The following ZNF804B variants were observed in gnomAD, a reference collection of about 807,000 sequenced individuals.
ZNF804B encodes zinc finger protein 804B, also known as zinc finger 804B.
Under a neutral mutation model 101.4 loss-of-function variants are expected in ZNF804B, and 80 were observed. The ratio of observed to expected loss-of-function variants is 0.79; its 90% CI spans 0.66 to 0.95. ZNF804B has a LOEUF of 0.95. ZNF804B is among the 40% of genes least tolerant of loss of function. The probability of loss-of-function intolerance (pLI) is 0.00; values close to 1 mark genes in which losing one functional copy is unlikely to be tolerated. For missense variants in ZNF804B, 1,673 were observed against 1,561.9 expected (o/e 1.07, Z -1.20); for synonymous variants, 622 against 558.8 (o/e 1.11, Z -1.59).
intron 1 of ZNF804B, among the ~76,000 whole-genome samples, chr7:89,099,749 G>A (rs749985910): frequency 2.6e-5 from 4 of 152,128 alleles, no homozygotes; most frequent in Non-Finnish European, 4.4e-5. Context: ...TAAGAATAAG[G>A]CAAACTTTAG....
At chr7:89,007,513 TATATA>T (rs1425369190) in intron 1 of ZNF804B, among the ~76,000 whole-genome samples, 15 of 6,744 alleles carry the variant, frequency 2.2e-3, no homozygotes, top group East Asian at 3.8e-3. Flanking sequence ...CATATAATTA[TATATA>T]ATATAATATA....
At chr7:89,302,887 A>ATTG (rs1242711829) in intron 2 of ZNF804B, among the ~76,000 whole-genome samples, 1 of 151,948 alleles carries the variant, frequency 6.6e-6, no homozygotes, top group Non-Finnish European at 1.5e-5. Flanking sequence ...AATTGGTTTT[A>ATTG]CCATTGCTCA....
intron 1 of ZNF804B, among the ~76,000 whole-genome samples, chr7:89,211,800 T>C (rs530284837): frequency 6.6e-6 from 1 of 152,322 alleles, no homozygotes; most frequent in Non-Finnish European, 1.5e-5. Flanking sequence ...TTTGTTCTTT[T>C]AGCTTAGGAT....
At position 89,082,563 on chromosome 7, in the gene ZNF804B, T is replaced by C. The variant is rs77117499; in HGVS notation, c.109-135592T>C. Among the ~76,000 whole-genome samples the C allele has an allele frequency of 4.6e-3, 706 of 151,844 alleles. 5 individuals are homozygous for C. Among genetic ancestry groups the C allele is most frequent in the African/African-American group, 0.016 (670 of 41,512 alleles). On this transcript the variant is annotated intron_variant, in intron 1 of 3. Coordinates refer to ENST00000333190, the MANE Select transcript of ZNF804B (RefSeq NM_181646.5). ...CACAGTTTGTTGCATCACCCACATATAGTAAAAATAATAAAACTAGTAACT... is the reference window on the plus strand; with the variant it reads ...CACAGTTTGTTGCATCACCCACATACAGTAAAAATAATAAAACTAGTAACT...
At chr7:88,961,632 G>A (rs1793386358) in intron 1 of ZNF804B, among the ~76,000 whole-genome samples, 1 of 151,366 alleles carries the variant, frequency 6.6e-6, no homozygotes, top group South Asian at 2.1e-4. Context: ...ATGAGATTGA[G>A]TTTTTCCATA....
chr7:88,914,740 G>T (rs1169948635), intron 1 of ZNF804B, among the ~76,000 whole-genome samples: 1 of 152,150 alleles, frequency 6.6e-6, no homozygotes, highest in Non-Finnish European at 1.5e-5. Context: ...AAATGTAGGA[G>T]CTAATTACTT....
At chr7:88,800,726 G>A (rs1007753545) in intron 1 of ZNF804B, among the ~76,000 whole-genome samples, 9 of 131,168 alleles carry the variant, frequency 6.9e-5, no homozygotes, top group Admixed American at 6.6e-4. Context: ...GTGTGTGTGT[G>A]TGTGTGTGCT....
intron 1 of ZNF804B, among the ~76,000 whole-genome samples, chr7:88,902,177 A>C (rs1300545118): frequency 1.3e-5 from 2 of 152,018 alleles, no homozygotes; most frequent in African/African-American, 4.8e-5. Context: ...CATACATTGT[A>C]TATAAATTTT....
intron 1 of ZNF804B, among the ~76,000 whole-genome samples, chr7:89,204,269 A>T (rs1051676463): frequency 6.6e-6 from 1 of 152,238 alleles, no homozygotes; most frequent in African/African-American, 2.4e-5. Flanking sequence ...TGTCTAATGC[A>T]CAATAGATAT....
intron 1 of ZNF804B, among the ~76,000 whole-genome samples, chr7:89,042,585 CT>C (rs1490791168): frequency 3.3e-5 from 5 of 151,952 alleles, no homozygotes; most frequent in Non-Finnish European, 7.4e-5. Context: ...AAGTTATAAC[CT>C]TTCTGAATAG....
At chr7:88,970,442 A>G (rs1397570788) in intron 1 of ZNF804B, among the ~76,000 whole-genome samples, 1 of 151,214 alleles carries the variant, frequency 6.6e-6, no homozygotes, top group Non-Finnish European at 1.5e-5. Context: ...TTTATATTCC[A>G]AACATTTTAT....
chr7:89,303,884 G>A (rs1329999429), intron 2 of ZNF804B, among the ~76,000 whole-genome samples: 1 of 151,730 alleles, frequency 6.6e-6, no homozygotes, highest in African/African-American at 2.4e-5. Context: ...TTTTAACAGG[G>A]ATCTTTGTTA....
intron 1 of ZNF804B, among the ~76,000 whole-genome samples, chr7:89,156,095 T>TTCTTTCTTTCTC (rs1562899843): frequency 6.8e-6 from 1 of 147,932 alleles, no homozygotes; most frequent in Admixed American, 6.8e-5. Flanking sequence ...TTTCCTTTCT[T>TTCTTTCTTTCTC]TCTTTCTCTC....
intron 1 of ZNF804B, among the ~76,000 whole-genome samples, chr7:88,817,240 G>A (rs1292760793): frequency 1.3e-5 from 2 of 152,150 alleles, no homozygotes; most frequent in South Asian, 2.1e-4. Context: ...GTGGGATGGG[G>A]GGATGGGGGA....
intron 1 of ZNF804B, chr7:88,795,124 A>T (rs943516755): frequency 4.2e-6 from 2 of 476,242 alleles, no homozygotes; most frequent in Middle Eastern, 5.7e-4. Flanking sequence ...TGCCAGTTTT[A>T]TCAGGAAACA....
At chr7:89,293,166 C>G (rs186064395) in intron 2 of ZNF804B, among the ~76,000 whole-genome samples, 1 of 151,786 alleles carries the variant, frequency 6.6e-6, no homozygotes. Context: ...TCTATTCATT[C>G]TACAGTTACC....
chr7:88,774,469 A>T (rs1386511290), intron 1 of ZNF804B, among the ~76,000 whole-genome samples: 1 of 152,132 alleles, frequency 6.6e-6, no homozygotes, highest in East Asian at 1.9e-4. Context: ...TGTGTGTAAG[A>T]GAAGCACAGT....
chr7:89,328,443 C>G (rs1201046146), intron 3 of ZNF804B, among the ~76,000 whole-genome samples: 1 of 151,578 alleles, frequency 6.6e-6, no homozygotes, highest in East Asian at 1.9e-4. Context: ...CATATGAAGA[C>G]AAAATAAAGG....
intron 1 of ZNF804B, among the ~76,000 whole-genome samples, chr7:89,088,015 G>A (rs544072634): frequency 1.7e-4 from 25 of 150,444 alleles, no homozygotes; most frequent in Middle Eastern, 3.5e-3. Context: ...AATTTATTTC[G>A]TTTCCACCAT....
Sources: allele counts gnomAD v4.1 joint callset (sites outside exome capture counted in the v4.1 genomes callset), GRCh38; gene constraint gnomAD v4.1.1; transcripts MANE v1.5; gene names NCBI Gene and HGNC (gene_info 2026-07-23, HGNC 2026-07-21).